MYO1B: variants seen among roughly 807,000 people sequenced by gnomAD.
MYO1B encodes the protein unconventional myosin-Ib.
MYO1B carries 72 observed loss-of-function variants against 159.7 expected under a neutral mutation model. The ratio of observed to expected loss-of-function variants is 0.45; its 90% CI spans 0.37 to 0.55. MYO1B has a LOEUF of 0.55. Among genes scored for constraint, MYO1B ranks in the 20% least tolerant of loss-of-function variants. The pLI is 0.00. For synonymous variants in MYO1B, 468 were observed against 473.8 expected (o/e 0.99, Z 0.16); for missense variants, 1,062 against 1,364.8 (o/e 0.78, Z 3.50).
chr2:191,262,163 G>A (rs1216168223), intron 1 of MYO1B, among the ~76,000 whole-genome samples: 1 of 151,912 alleles, frequency 6.6e-6, no homozygotes, highest in African/African-American at 2.4e-5. Context: ...TACTAGATTG[G>A]GGCCCCAGAT....
At chr2:191,372,036 T>A (rs1694397021) in intron 13 of MYO1B, among the ~76,000 whole-genome samples, 1 of 152,214 alleles carries the variant, frequency 6.6e-6, no homozygotes, top group Admixed American at 6.5e-5. Flanking sequence ...CAAGTTACTA[T>A]CACTAAATGG....
intron 1 of MYO1B, among the ~76,000 whole-genome samples, chr2:191,264,430 G>A (rs1387955696): frequency 6.6e-6 from 1 of 151,538 alleles, no homozygotes; most frequent in African/African-American, 2.4e-5. Flanking sequence ...GTTGAGTGAT[G>A]CATATTTTTT....
intron 4 of MYO1B, among the ~76,000 whole-genome samples, chr2:191,336,736 A>G (rs1280683337): frequency 1.3e-5 from 2 of 152,188 alleles, no homozygotes; most frequent in African/African-American, 2.4e-5. Flanking sequence ...TCCAAGCTGT[A>G]GAGTGCTTGT....
chr2:191,412,306 TAATG>T (rs1041835221), intron 27 of MYO1B, among the ~76,000 whole-genome samples: 1 of 152,262 alleles, frequency 6.6e-6, no homozygotes, highest in Admixed American at 6.5e-5. Context: ...ATAACCTTCT[TAATG>T]AACATTTCCT....
At chr2:191,246,070 A>C (rs545799987) in intron 1 of MYO1B, 8 of 151,782 alleles carry the variant, frequency 5.3e-5, no homozygotes, top group African/African-American at 1.7e-4. Flanking sequence ...CGTCCTGGGG[A>C]GTGGGGTTCA....
intron 5 of MYO1B, 77 bp from the exon 6 acceptor site, chr2:191,346,159 A>G: frequency 9.0e-7 from 1 of 1,106,002 alleles, no homozygotes; most frequent in Non-Finnish European, 1.3e-6. Flanking sequence ...ATAGATTTCA[A>G]ATACTGTATT....
intron 11 of MYO1B, among the ~76,000 whole-genome samples, chr2:191,364,592 C>T (rs543971600): frequency 6.6e-6 from 1 of 152,290 alleles, no homozygotes; most frequent in South Asian, 2.1e-4. Flanking sequence ...GGGAAGGAGA[C>T]TCAAGTGAGG....
At position 191,369,622 on chromosome 2, in the gene MYO1B, C is replaced by T; in HGVS notation, c.1113C>T (p.Ser371=). ...GGTTGGTAAATCGAATCAATGAAAG[C>T]ATTAAGGTACTGAATTTCTATGAGC... ...FSWLVNRINE[S]IKAQTKVRKK... is the part of the protein sequence containing the mutation. The change falls in exon 12 of 31, where the codon AGC becomes AGT. Residue 371 remains serine (S), a synonymous_variant. Coordinates refer to ENST00000392318, the MANE Select transcript of MYO1B (RefSeq NM_001130158.3). 6.2e-7 allele frequency: 1 copy of T among 1,612,158 alleles called. No individual in the cohort carries two copies. Among genetic ancestry groups the T allele is most frequent in the Non-Finnish European group, 8.5e-7 (1 of 1,178,540 alleles).
Position 191,296,213 on chromosome 2 carries a change from C to CT in MYO1B, c.239dup (p.Ser81GlufsTer10). The CT allele has an allele frequency of 2.5e-6, 4 of 1,604,358 alleles. No individual in the cohort carries two copies. Among genetic ancestry groups the CT allele is most frequent in the Non-Finnish European group, 2.6e-6 (3 of 1,172,662 alleles). ...ATACAGGAACAGAAATTTTTATGAA[C>CT]TGAGCCCTCACATGTAAGTACTGTA... On this transcript the variant is annotated frameshift_variant, in exon 3 of 31. Coordinates refer to ENST00000392318, the MANE Select transcript of MYO1B (RefSeq NM_001130158.3). LOFTEE classifies it high-confidence loss of function.
chr2:191,365,288 C>A (rs1392685177), intron 11 of MYO1B, among the ~76,000 whole-genome samples: 1 of 152,192 alleles, frequency 6.6e-6, no homozygotes, highest in East Asian at 1.9e-4. Flanking sequence ...GTTGTCTCAT[C>A]CTCATAACTA....
chr2:191,260,139 C>T (rs1686707424), intron 1 of MYO1B, among the ~76,000 whole-genome samples: 1 of 151,628 alleles, frequency 6.6e-6, no homozygotes, highest in Non-Finnish European at 1.5e-5. Flanking sequence ...CCAGGGTTTC[C>T]TTTCTTTTCA....
At chr2:191,312,048 T>C (rs1315907273) in intron 3 of MYO1B, among the ~76,000 whole-genome samples, 2 of 152,254 alleles carry the variant, frequency 1.3e-5, no homozygotes, top group African/African-American at 4.8e-5. Flanking sequence ...GTAGCATAGA[T>C]GCATTTTAAA....
At chr2:191,404,531 G>C (rs1380684466) in intron 24 of MYO1B, among the ~76,000 whole-genome samples, 5 of 152,100 alleles carry the variant, frequency 3.3e-5, no homozygotes, top group African/African-American at 1.2e-4. Flanking sequence ...AAATGTTTGT[G>C]GATCTGACAG....
intron 19 of MYO1B, among the ~76,000 whole-genome samples, chr2:191,392,871 T>C (rs954087263): frequency 1.3e-5 from 2 of 152,180 alleles, no homozygotes; most frequent in Non-Finnish European, 2.9e-5. Flanking sequence ...GGAATAAAAA[T>C]TGTAAGTCTT....
intron 13 of MYO1B, among the ~76,000 whole-genome samples, chr2:191,371,232 G>T (rs1017562709): frequency 6.6e-6 from 1 of 152,090 alleles, no homozygotes; most frequent in Admixed American, 6.6e-5. Context: ...AAGGAACCAG[G>T]CTCTGCCCAG....
intron 24 of MYO1B, 193 bp from the exon 25 acceptor site, chr2:191,407,922 T>G: frequency 2.4e-6 from 1 of 409,540 alleles, no homozygotes. Context: ...GTTTCATCAT[T>G]TTACATTTCT....
rs16833677 is a variant in MYO1B, at chr2:191,414,330, A to G, written c.3006+150A>G. ...CCCCTTACCTTTAAGCTTAGGTGGAATTTTGCTTGTTCTCTGACATTTTTA... is the reference window on the plus strand; with the variant it reads ...CCCCTTACCTTTAAGCTTAGGTGGAGTTTTGCTTGTTCTCTGACATTTTTA... On this transcript the variant is annotated intron_variant, in intron 28 of 30. Coordinates refer to ENST00000392318, the MANE Select transcript of MYO1B (RefSeq NM_001130158.3). 4,498 of 1,151,758 alleles carry G rather than the reference A, an allele frequency of 3.9e-3. 124 individuals carry two copies. In the African/African-American group the frequency reaches 0.065, roughly 17 times the overall value. 71.3% of individuals were successfully genotyped at this position (1,151,758 alleles called of 1,614,324 possible). A position where few individuals can be genotyped will look rare whatever the true frequency, so the allele number is the denominator to read the frequency against.
At chr2:191,375,923 C>T (rs1347821369) in intron 13 of MYO1B, among the ~76,000 whole-genome samples, 1 of 150,624 alleles carries the variant, frequency 6.6e-6, no homozygotes. Flanking sequence ...TACACCACTG[C>T]ACTCCAGCCT....
rs533804187 is a variant in MYO1B at position 191,369,577 on chromosome 2, C to G, written c.1068C>G (p.Leu356=). The G allele has an allele frequency of 1.2e-6, 2 of 1,613,514 alleles. No individual in the cohort carries two copies. The highest frequency in any genetic ancestry group is 2.2e-5 in the South Asian group (2 of 91,064). The change falls in exon 12 of 31, where the codon CTC becomes CTG. Residue 356 remains leucine (L), a synonymous_variant. Transcript: ENST00000392318. Reference sequence around the variant, plus strand: ...CCCGTGATGCTCTGGCTAAAAACCTCTACAGCAGGTTGTTTTCATGGTTGG... The same window carrying G: ...CCCGTGATGCTCTGGCTAAAAACCTGTACAGCAGGTTGTTTTCATGGTTGG... ...YYARDALAKN[L]YSRLFSWLVN...
Sources: allele counts gnomAD v4.1 joint callset (sites outside exome capture counted in the v4.1 genomes callset), GRCh38; gene constraint gnomAD v4.1.1; transcripts MANE v1.5; gene names NCBI Gene and HGNC (gene_info 2026-07-23, HGNC 2026-07-21).